Variants in ITPR1 observed in about 807,000 individuals in gnomAD.
ITPR1 encodes the protein inositol 1,4,5-trisphosphate-gated calcium channel ITPR1.
In ITPR1, 96 loss-of-function variants were observed where a neutral mutation model predicts 318.4. The observed-to-expected ratio is 0.30, with a 90% CI of 0.26 to 0.36. ITPR1 has a LOEUF of 0.36. Among genes scored for constraint, ITPR1 ranks in the 10% least tolerant of loss-of-function variants. The pLI is 1.00. For missense variants in ITPR1, 2,440 were observed against 3,460.2 expected, an observed-to-expected ratio of 0.71 and a Z score of 7.40; for synonymous variants, 1,312 against 1,289.9, an observed-to-expected ratio of 1.02 and a Z score of -0.37.
intron 10 of ITPR1, among the ~76,000 whole-genome samples, chr3:4,647,520 C>CTGT (rs1372084261): frequency 6.6e-6 from 1 of 152,174 alleles, no homozygotes; most frequent in Non-Finnish European, 1.5e-5. Flanking sequence ...AATTGCTAAA[C>CTGT]TGTTCTCCAA....
chr3:4,721,291 G>C (rs2042149421), intron 40 of ITPR1, among the ~76,000 whole-genome samples: 1 of 151,180 alleles, frequency 6.6e-6, no homozygotes, highest in Non-Finnish European at 1.5e-5. Context: ...CTTTGCTATT[G>C]GGTTCTGATG....
Position 4,847,114 on chromosome 3 carries a change from A to T in ITPR1, c.*889A>T, listed in dbSNP as rs1365945214. The T allele has an allele frequency of 3.3e-5, 5 of 152,666 alleles. No homozygotes were observed. Among genetic ancestry groups the T allele is most frequent in the Non-Finnish European group, 7.3e-5 (5 of 68,040 alleles). The allele number at this position is 152,666 out of a possible 1,614,324, so 9.5% of individuals were successfully genotyped here. A position where few individuals can be genotyped will look rare whatever the true frequency, so the allele number is the denominator to read the frequency against. ...ATAATTGATGGTTTCTAGATTATCT[A>T]GTCCAAACAATAGAGTTTATTTTTT... On this transcript the variant is annotated 3_prime_UTR_variant, in exon 62 of 62. Coordinates refer to ENST00000649015, the MANE Select transcript of ITPR1 (RefSeq NM_001378452.1).
chr3:4,520,936 G>C, intron 3 of ITPR1, 88 bp from the exon 4 acceptor site: 1 of 974,000 alleles, frequency 1.0e-6, no homozygotes, highest in Non-Finnish European at 1.6e-6. Context: ...TGTTGCGCAG[G>C]AAAAGCCCTG....
At chr3:4,723,254 G>C (rs2042289535) in intron 40 of ITPR1, among the ~76,000 whole-genome samples, 1 of 152,194 alleles carries the variant, frequency 6.6e-6, no homozygotes, top group African/African-American at 2.4e-5. Flanking sequence ...GCCACACAGA[G>C]AGCCAGAGCT....
At chr3:4,553,452 G>A (rs1194793390) in intron 4 of ITPR1, among the ~76,000 whole-genome samples, 2 of 151,914 alleles carry the variant, frequency 1.3e-5, no homozygotes, top group African/African-American at 4.8e-5. Context: ...TTGTTTTGAG[G>A]GAGGGTCTTG....
At chr3:4,774,908 A>C (rs535885846) in intron 46 of ITPR1, among the ~76,000 whole-genome samples, 1 of 152,288 alleles carries the variant, frequency 6.6e-6, no homozygotes, top group East Asian at 1.9e-4. Flanking sequence ...TGAACTCAAC[A>C]CCTGATGGAA....
chr3:4,540,801 C>A (rs138136079), intron 4 of ITPR1, among the ~76,000 whole-genome samples: 6 of 152,138 alleles, frequency 3.9e-5, no homozygotes, highest in African/African-American at 1.4e-4. Flanking sequence ...GTCTTGAACT[C>A]CTGGGCTCAA....
chr3:4,653,558 C>T (rs1559619595), intron 11 of ITPR1, among the ~76,000 whole-genome samples: 1 of 152,122 alleles, frequency 6.6e-6, no homozygotes, highest in African/African-American at 2.4e-5. Context: ...GTGTATTGAT[C>T]TTTTATTCAT....
At chr3:4,716,561 C>T (rs1186822592) in intron 39 of ITPR1, among the ~76,000 whole-genome samples, 1 of 152,162 alleles carries the variant, frequency 6.6e-6, no homozygotes, top group African/African-American at 2.4e-5. Flanking sequence ...TACAAATTGT[C>T]AGTCTCCTAT....
intron 37 of ITPR1, among the ~76,000 whole-genome samples, chr3:4,706,614 T>C (rs943737190): frequency 2.6e-5 from 4 of 152,198 alleles, no homozygotes; most frequent in South Asian, 2.1e-4. Flanking sequence ...TCTGCTCTTA[T>C]TAGAAGGAAG....
intron 46 of ITPR1, among the ~76,000 whole-genome samples, chr3:4,770,144 C>G (rs1189854576): frequency 6.6e-6 from 1 of 152,198 alleles, no homozygotes; most frequent in Non-Finnish European, 1.5e-5. Context: ...TAATGCTAGT[C>G]CAGATCTGGC....
In ITPR1 at chr3:4,766,699, C is replaced by A; in HGVS notation, c.5714C>A (p.Ser1905Ter). The change falls in exon 45 of 62, where the codon TCA becomes TAA. Residue 1905 changes from serine (S) to a stop codon, truncating the protein, a stop_gained. Transcript: ENST00000649015. LOFTEE classifies it high-confidence loss of function. Reference sequence around the variant, plus strand: ...GATGAGGTAGACAGGGATGCCCCATCACGGAAAAAAGGTAAATGTTCCTCA... The same window carrying A: ...GATGAGGTAGACAGGGATGCCCCATAACGGAAAAAAGGTAAATGTTCCTCA... ...KDDEVDRDAP[S>*]RKKAKEPTTQ... 1 of 1,594,334 alleles carries A rather than the reference C, an allele frequency of 6.3e-7. No homozygotes were observed. The highest frequency in any genetic ancestry group is 1.8e-5 in the Admixed American group (1 of 56,346).
chr3:4,693,826 G>A lies in ITPR1; in HGVS notation c.4281+85G>A, dbSNP rs2094516484. 4.2e-6 allele frequency: 6 copies of A among 1,440,452 alleles called. 1 individual carries two copies. The Admixed American group carries it at 1.2e-4, about 29-fold the overall frequency. The allele number at this position is 1,440,452 out of a possible 1,614,324, so 89.2% of individuals were successfully genotyped here. A position where few individuals can be genotyped will look rare whatever the true frequency, so the allele number is the denominator to read the frequency against. The stretch of plus-strand genomic sequence containing the variant: ...CTCACTGGGAGACATGGTGGTGGCT[G>A]GCCTGGGGGAGCCCTCATGGCTCTG... On this transcript the variant is annotated intron_variant, in intron 33 of 61. Coordinates refer to ENST00000649015, the MANE Select transcript of ITPR1 (RefSeq NM_001378452.1).
intron 7 of ITPR1, 130 bp downstream of exon 7, chr3:4,642,381 C>A: frequency 1.8e-6 from 1 of 566,908 alleles, no homozygotes; most frequent in Non-Finnish European, 2.7e-6. Context: ...AAGGGAATTG[C>A]TATGGAAACT....
chr3:4,673,714 C>T (rs978521675), intron 21 of ITPR1, among the ~76,000 whole-genome samples: 2 of 152,108 alleles, frequency 1.3e-5, no homozygotes, highest in Non-Finnish European at 2.9e-5. Flanking sequence ...TCCCAAGTAG[C>T]TGGGACTACA....
chr3:4,699,013 G>C (rs748998555), intron 34 of ITPR1, among the ~76,000 whole-genome samples: 1 of 152,094 alleles, frequency 6.6e-6, no homozygotes, highest in Non-Finnish European at 1.5e-5. Flanking sequence ...ACAATGTTGT[G>C]TATTGGTCAG....
At chr3:4,672,636 T>C (rs2094110657) in intron 20 of ITPR1, among the ~76,000 whole-genome samples, 1 of 152,222 alleles carries the variant, frequency 6.6e-6, no homozygotes, top group Admixed American at 6.5e-5. Context: ...CTTTTGTAAA[T>C]GAAATGTTTT....
chr3:4,530,656 A>G (rs569527240), intron 4 of ITPR1, among the ~76,000 whole-genome samples: 27 of 152,214 alleles, frequency 1.8e-4, no homozygotes, highest in Admixed American at 1.8e-3. Context: ...TGGTGGTCAC[A>G]TGTAGTCCCT....
At chr3:4,617,830 C>CAAAAA (rs34216867) in intron 4 of ITPR1, among the ~76,000 whole-genome samples, 8 of 141,538 alleles carry the variant, frequency 5.7e-5, no homozygotes, top group Non-Finnish European at 7.8e-5. Flanking sequence ...TTAAAAAATG[C>CAAAAA]AAAAAAAAAA....
Sources: allele counts gnomAD v4.1 joint callset (sites outside exome capture counted in the v4.1 genomes callset), GRCh38; gene constraint gnomAD v4.1.1; transcripts MANE v1.5; gene names NCBI Gene and HGNC (gene_info 2026-07-23, HGNC 2026-07-21).